Variants in ATXN2 observed in about 807,000 individuals in gnomAD.
ATXN2 encodes ataxin 2.
In ATXN2, 37 loss-of-function variants were observed where a neutral mutation model predicts 138.6. That is an observed-to-expected ratio of 0.27 (90% CI 0.21 to 0.35). ATXN2 has a LOEUF of 0.35. ATXN2 is among the 10% of genes least tolerant of loss of function. ATXN2 has a pLI of 1.00. For missense variants in ATXN2, 1,216 were observed against 1,480.3 expected (o/e 0.82, Z 2.93); for synonymous variants, 549 against 543.7 (o/e 1.01, Z -0.13).
intron 18 of ATXN2, 60 bp downstream of exon 18, chr12:111,485,205 T>C (rs1282278494): frequency 1.4e-6 from 2 of 1,469,600 alleles, no homozygotes; most frequent in African/African-American, 2.8e-5. Context: ...ATTATAAACT[T>C]AGTTACTCAA....
At chr12:111,580,637 T>C (rs1344172553) in intron 1 of ATXN2, among the ~76,000 whole-genome samples, 17 of 105,832 alleles carry the variant, frequency 1.6e-4, no homozygotes, top group Admixed American at 1.5e-4. Context: ...CCCTGTCTCT[T>C]AGGAACAAAA....
At chr12:111,480,472 C>T (rs1224886307) in intron 18 of ATXN2, among the ~76,000 whole-genome samples, 3 of 152,234 alleles carry the variant, frequency 2.0e-5, no homozygotes, top group East Asian at 3.9e-4. Flanking sequence ...ATCAGGAGTT[C>T]GAGACCAGCC....
chr12:111,494,754 C>T (rs1878301704), intron 14 of ATXN2, among the ~76,000 whole-genome samples: 2 of 151,408 alleles, frequency 1.3e-5, no homozygotes, highest in Non-Finnish European at 2.9e-5. Flanking sequence ...AAAACACCTA[C>T]AACAGATACA....
intron 1 of ATXN2, among the ~76,000 whole-genome samples, chr12:111,560,951 G>A (rs1017287901): frequency 2.6e-5 from 4 of 152,154 alleles, no homozygotes; most frequent in Non-Finnish European, 5.9e-5. Flanking sequence ...TTGGCCAGGC[G>A]CCCTGACTCA....
intron 18 of ATXN2, among the ~76,000 whole-genome samples, chr12:111,482,360 A>G (rs959075509): frequency 3.3e-5 from 5 of 151,656 alleles, no homozygotes; most frequent in African/African-American, 1.2e-4. Context: ...ACGCTCAGCT[A>G]ATTGTTTGTA....
intron 18 of ATXN2, among the ~76,000 whole-genome samples, chr12:111,479,390 TAAAAAAAAAAAAA>T (rs33967202): frequency 2.0e-5 from 1 of 49,846 alleles, no homozygotes; most frequent in Non-Finnish European, 4.1e-5. Context: ...CCGTCTCTGC[TAAAAAAAAAAAAA>T]AAAAAAAAAA....
intron 18 of ATXN2, chr12:111,479,037 T>G (rs1481282753): frequency 2.8e-6 from 1 of 362,992 alleles, no homozygotes; most frequent in African/African-American, 2.1e-5. Context: ...AAAAATAAAA[T>G]AAATTTTTTA....
intron 1 of ATXN2, among the ~76,000 whole-genome samples, chr12:111,577,736 T>G (rs1170112516): frequency 6.6e-6 from 1 of 151,078 alleles, no homozygotes; most frequent in East Asian, 2.0e-4. Flanking sequence ...TTAAAAGTCT[T>G]AACTCCTAAC....
At chr12:111,553,761 C>T (rs140533062) in intron 3 of ATXN2, among the ~76,000 whole-genome samples, 25 of 151,650 alleles carry the variant, frequency 1.6e-4, no homozygotes, top group African/African-American at 4.8e-4. Context: ...CCACCACGTT[C>T]GGCTAGTTTT....
intron 9 of ATXN2, 136 bp downstream of exon 9, chr12:111,518,113 T>G: frequency 1.4e-6 from 1 of 722,984 alleles, no homozygotes. Flanking sequence ...CAATTTTAAG[T>G]AATGCTGAAG....
chr12:111,594,155 A>T (rs1203697462), intron 1 of ATXN2, among the ~76,000 whole-genome samples: 1 of 152,290 alleles, frequency 6.6e-6, no homozygotes, highest in South Asian at 2.1e-4. Flanking sequence ...GTAAACTCCA[A>T]AAGGACAATA....
At chr12:111,584,309 G>A (rs1288306737) in intron 1 of ATXN2, among the ~76,000 whole-genome samples, 1 of 123,812 alleles carries the variant, frequency 8.1e-6, no homozygotes, top group Non-Finnish European at 1.6e-5. Flanking sequence ...TTGAGCCCAG[G>A]AAACAGAGGT....
intron 5 of ATXN2, among the ~76,000 whole-genome samples, chr12:111,530,747 G>A (rs574882099): frequency 6.6e-6 from 1 of 152,228 alleles, no homozygotes; most frequent in Admixed American, 6.5e-5. Flanking sequence ...CAGGGAGGCA[G>A]AGCTTGCAGT....
intron 14 of ATXN2, among the ~76,000 whole-genome samples, chr12:111,494,610 G>A (rs990390540): frequency 6.6e-6 from 1 of 151,902 alleles, no homozygotes; most frequent in African/African-American, 2.4e-5. Flanking sequence ...ATTTTTAGTA[G>A]AGATGGGGTT....
Position 111,599,177 on chromosome 12 carries a change from C to T in ATXN2, c.-143G>A, listed in dbSNP as rs1295625184. 1 of 1,204,360 alleles carries T rather than the reference C, an allele frequency of 8.3e-7. No homozygotes were observed. The highest frequency in any genetic ancestry group is 1.6e-5 in the African/African-American group (1 of 62,752). The allele number at this position is 1,204,360 out of a possible 1,614,324, so 74.6% of individuals were successfully genotyped here. On this transcript the variant is annotated 5_prime_UTR_variant, in exon 1 of 25. Coordinates refer to ENST00000673436, the MANE Select transcript of ATXN2 (RefSeq NM_001372574.1). ...TGGCGCGGCCGGAGGGGCGCCCGGG[C>T]TGGCGAGGGGGAGAAGGAGGACGAC...
chr12:111,504,267 G>A (rs765232732), intron 14 of ATXN2, among the ~76,000 whole-genome samples: 4 of 152,154 alleles, frequency 2.6e-5, no homozygotes, highest in South Asian at 2.1e-4. Context: ...CTTCCAACAA[G>A]CATGTGAAGA....
Position 111,485,253 on chromosome 12 carries a change from G to A in ATXN2, c.2524+12C>T. On this transcript the variant is annotated intron_variant, in intron 18 of 24. Coordinates refer to ENST00000673436, the MANE Select transcript of ATXN2 (RefSeq NM_001372574.1). Reference sequence around the variant, plus strand: ...GCAAACTACAAGCAAACACAGGCAGGATTATTCTCACCTTTACCTGCTCTA... The same window carrying A: ...GCAAACTACAAGCAAACACAGGCAGAATTATTCTCACCTTTACCTGCTCTA... The A allele has an allele frequency of 1.2e-6, 2 of 1,605,636 alleles. No homozygotes were observed. Among genetic ancestry groups the A allele is most frequent in the Non-Finnish European group, 1.7e-6 (2 of 1,174,094 alleles).
intron 1 of ATXN2, chr12:111,581,489 C>G (rs1884000240): frequency 5.0e-6 from 5 of 993,340 alleles, no homozygotes; most frequent in Middle Eastern, 2.1e-4. Context: ...ACCCCACAAC[C>G]CTGCTCCCCC....
At chr12:111,513,975 ACTT>A (rs1241994118) in intron 10 of ATXN2, among the ~76,000 whole-genome samples, 1 of 152,116 alleles carries the variant, frequency 6.6e-6, no homozygotes, top group Non-Finnish European at 1.5e-5. Flanking sequence ...TTTCTACATT[ACTT>A]CTAAAATTAG....
Sources: gnomAD v4.1 joint callset for allele counts (sites outside exome capture counted in the v4.1 genomes callset) on GRCh38, gnomAD v4.1.1 for gene constraint, MANE v1.5 for transcripts, NCBI Gene and HGNC (gene_info 2026-07-23, HGNC 2026-07-21) for gene names.